Variants in NIBAN3 observed in about 807,000 individuals in gnomAD.
The protein encoded by NIBAN3 is protein Niban 3.
Under a neutral mutation model 76.4 loss-of-function variants are expected in NIBAN3, and 66 were observed. The ratio of observed to expected loss-of-function variants is 0.86; its 90% CI spans 0.71 to 1.06. NIBAN3 has a LOEUF of 1.06. NIBAN3 is among the 50% of genes least tolerant of loss of function. The pLI is 0.00. For synonymous variants in NIBAN3, 360 were observed against 355.2 expected (o/e 1.01, Z -0.15); for missense variants, 808 against 810.7 (o/e 1.00, Z 0.04).
At chr19:17,526,255 G>C (rs765963084), upstream of NIBAN3, among the ~76,000 whole-genome samples, 1 of 152,010 alleles carries the variant, frequency 6.6e-6, no homozygotes, top group Non-Finnish European at 1.5e-5. Flanking sequence ...GGAGGTTGCA[G>C]TGAGCCAAGA....
upstream of NIBAN3, chr19:17,527,134 G>T (rs749494047): frequency 7.5e-7 from 1 of 1,332,062 alleles, no homozygotes; most frequent in Non-Finnish European, 1.0e-6. Context: ...GGCTGTCCCC[G>T]CAGCCTCTAC....
chr19:17,528,080 T>TG (rs1555754494), intron 1 of NIBAN3, among the ~76,000 whole-genome samples: 2 of 151,816 alleles, frequency 1.3e-5, no homozygotes, highest in African/African-American at 2.4e-5. Context: ...ATGGTTTTTT[T>TG]TTTGTTTGTT....
chr19:17,525,993 G>A (rs183776392), upstream of NIBAN3, among the ~76,000 whole-genome samples: 161 of 152,104 alleles, frequency 1.1e-3, 7 homozygotes, highest in East Asian at 0.03. Flanking sequence ...GGCGAAGGTG[G>A]CAGTGAGCCA....
rs147395777 is a variant in NIBAN3, at chr19:17,548,879, T to C, written c.1667-565T>C. ...AGGCGGAGCTTGCAGTGAGCCGAGA[T>C]TGCACCACTGCACTCCAGCCTGGGC... On this transcript the variant is annotated intron_variant, in intron 13 of 14. Transcript: ENST00000599164. Among the ~76,000 whole-genome samples, 280 of 151,868 alleles carry C rather than the reference T, an allele frequency of 1.8e-3. 5 individuals are homozygous for C. The East Asian group carries it at 0.041, about 22-fold the overall frequency.
chr19:17,544,567 G>A (rs930074082), intron 12 of NIBAN3, among the ~76,000 whole-genome samples: 3 of 152,250 alleles, frequency 2.0e-5, no homozygotes, highest in South Asian at 2.1e-4. Context: ...GCCATGTCCC[G>A]GGAAGGGCAT....
intron 12 of NIBAN3, 137 bp from the exon 13 acceptor site, chr19:17,546,549 G>A (rs2076057918): frequency 1.6e-6 from 2 of 1,272,370 alleles, no homozygotes; most frequent in African/African-American, 1.6e-5. Context: ...TAAAAATAAA[G>A]ATAAGGAAAC....
rs1568446151 is a variant in NIBAN3 at position 17,533,654 on chromosome 19, A to T, written c.380A>T (p.Gln127Leu). The T allele has an allele frequency of 6.2e-7, 1 of 1,614,070 alleles. No individual in the cohort carries two copies. The highest frequency in any genetic ancestry group is 2.2e-5 in the East Asian group (1 of 44,878). Residue 127 changes from glutamine (Q) to leucine (L), a missense_variant, in exon 4 of 15, where the codon CAG (glutamine) becomes CTG (leucine). Physicochemically the swap from Gln to Leu is moderately radical, Grantham distance 113 (BLOSUM62 -2). Coordinates refer to ENST00000599164, the MANE Select transcript of NIBAN3 (RefSeq NM_001321827.2). The part of the protein sequence containing the change: ...ALTGYTLLTS[Q>L]REYLRLLDAL... Reference sequence around the variant, plus strand: ...ACAGGATACACGCTCCTGACTTCCCAGCGAGAATATCTCCGCCTTTTGGAT... The same window carrying T: ...ACAGGATACACGCTCCTGACTTCCCTGCGAGAATATCTCCGCCTTTTGGAT...
At chr19:17,532,414 T>C (rs1415439128) in intron 3 of NIBAN3, 26 bp downstream of exon 3, 2 of 1,614,134 alleles carry the variant, frequency 1.2e-6, no homozygotes, top group South Asian at 1.1e-5. Flanking sequence ...GTGGCCTTTC[T>C]ACTTCTGGGT....
rs1181851319 is a variant in NIBAN3 at position 17,540,380 on chromosome 19, T to G, written c.980-12T>G. 35 of 1,468,986 alleles carry G rather than the reference T, an allele frequency of 2.4e-5. No individual in the cohort carries two copies. The highest frequency in any genetic ancestry group is 3.0e-5 in the Non-Finnish European group (33 of 1,105,134). 91.0% of individuals were successfully genotyped at this position (1,468,986 alleles called of 1,614,324 possible). On this transcript the variant is annotated splice_polypyrimidine_tract_variant and intron_variant, in intron 8 of 14. Coordinates refer to ENST00000599164, the MANE Select transcript of NIBAN3 (RefSeq NM_001321827.2). ...GCGGAGGGGACTCCAGACCAGTGTC[T>G]TCCACTCCCAGCGGATATCAGGGGA...
At chr19:17,527,418 G>T in intron 1 of NIBAN3, 23 bp downstream of exon 1, 1 of 1,497,068 alleles carries the variant, frequency 6.7e-7, no homozygotes, top group South Asian at 1.3e-5. Context: ...GGAGGGGACA[G>T]GGTGGGAGTC....
At position 17,540,486 on chromosome 19, in the gene NIBAN3, C is replaced by G. The variant is rs759543943; in HGVS notation, c.1074C>G (p.Ala358=). ...AGACCCTGCTGCGCACCGTGGAAGC[C>G]TCGCTCGAGGCGGTGCGGACCCTCC... The part of the protein sequence containing the change: ...VVQTLLRTVE[A]SLEAVRTLLA... Residue 358 remains alanine (A), a synonymous_variant, in exon 9 of 15, where the codon GCC becomes GCG. Transcript: ENST00000599164. 17 of 1,600,182 alleles carry G rather than the reference C, an allele frequency of 1.1e-5. No homozygotes were observed. The East Asian group carries it at 3.9e-4, about 37-fold the overall frequency.
Position 17,542,264 on chromosome 19 carries a change from C to A in NIBAN3, c.1299C>A (p.Leu433=). 1 of 1,612,746 alleles carries A rather than the reference C, an allele frequency of 6.2e-7. No homozygotes were observed. Among genetic ancestry groups the A allele is most frequent in the South Asian group, 1.1e-5 (1 of 90,934 alleles). The part of the protein sequence containing the change: ...APFGFLGMQS[L]VFGAQDLAQQ... The stretch of plus-strand genomic sequence containing the variant: ...TTGGCTTTCTGGGGATGCAGAGCCT[C>A]GTGTTTGGGGCCCAAGATCTTGCAC... Residue 433 remains leucine (L), a synonymous_variant, in exon 10 of 15, where the codon CTC becomes CTA. Coordinates refer to ENST00000599164, the MANE Select transcript of NIBAN3 (RefSeq NM_001321827.2). This position sits in a 1 kb window ranked among gnomAD's most constrained non-coding sequence, Gnocchi z 4.8.
intron 7 of NIBAN3, 54 bp downstream of exon 7, chr19:17,539,505 C>G (rs2075897848): frequency 6.9e-7 from 1 of 1,457,050 alleles, no homozygotes; most frequent in Admixed American, 2.6e-5. Context: ...CGTTCGGGTT[C>G]CCCTCCCACG....
At chr19:17,533,734 C>CT in intron 4 of NIBAN3, 33 bp downstream of exon 4, 1 of 1,496,122 alleles carries the variant, frequency 6.7e-7, no homozygotes, top group Non-Finnish European at 9.3e-7. Context: ...GAACAGGTTT[C>CT]TCCACCCCAG....
chr19:17,550,516 A>G (rs1333787080), intron 14 of NIBAN3, among the ~76,000 whole-genome samples: 2 of 151,982 alleles, frequency 1.3e-5, no homozygotes, highest in East Asian at 3.9e-4. Context: ...AAATTTTAAA[A>G]ATTAGTTGGG....
At position 17,539,663 on chromosome 19, in the gene NIBAN3, C is replaced by T; in HGVS notation, c.877C>T (p.Gln293Ter). Residue 293 changes from glutamine (Q) to a stop codon, truncating the protein, a stop_gained, in exon 8 of 15, where the codon CAG (glutamine) becomes TAG (stop). Transcript: ENST00000599164. LOFTEE classifies it high-confidence loss of function. ...GGCCTCCGCCGGGCTCTGCGCCTTCCAGCCCGAAAAGGACGAGCTGCTTGC... is the reference window on the plus strand; with the variant it reads ...GGCCTCCGCCGGGCTCTGCGCCTTCTAGCCCGAAAAGGACGAGCTGCTTGC... ...AGASAGLCAF[Q>*]PEKDELLASL... 1 of 1,564,574 alleles carries T rather than the reference C, an allele frequency of 6.4e-7. No individual in the cohort carries two copies. The highest frequency in any genetic ancestry group is 8.7e-7 in the Non-Finnish European group (1 of 1,154,484).
At position 17,539,154 on chromosome 19, in the gene NIBAN3, G is replaced by A; in HGVS notation, c.600G>A (p.Leu200=). 1 of 1,586,846 alleles carries A rather than the reference G, an allele frequency of 6.3e-7. No individual in the cohort carries two copies. Among genetic ancestry groups the A allele is most frequent in the Non-Finnish European group, 8.6e-7 (1 of 1,167,478 alleles). ...CTGAGGAGCAGCCCCTCTCAGTCCT[G>A]CAGCGAAGCCAGGCCCCTGCTGCCC... ...QGGIRLQGIV[L]QRSQAPAARA... Residue 200 remains leucine (L), a synonymous_variant, in exon 6 of 15, where the codon CTG becomes CTA. Transcript: ENST00000599164.
At chr19:17,551,669 G>T in intron 14 of NIBAN3, 117 bp from the exon 15 acceptor site, 1 of 571,906 alleles carries the variant, frequency 1.7e-6, no homozygotes, top group Non-Finnish European at 3.2e-6. Flanking sequence ...GGGATTACAG[G>T]CATGAGCCAT....
Position 17,549,385 on chromosome 19 carries a change from G to T in NIBAN3, c.1667-59G>T. The T allele has an allele frequency of 2.5e-6, 3 of 1,201,110 alleles. No individual in the cohort carries two copies. The South Asian group carries it at 4.0e-5, about 16-fold the overall frequency. 74.4% of individuals were successfully genotyped at this position (1,201,110 alleles called of 1,614,324 possible). On this transcript the variant is annotated intron_variant, in intron 13 of 14. Transcript: ENST00000599164. Reference sequence around the variant, plus strand: ...TTTGTAGTCTCTCTGGGAAAATGCAGGGAAGCCCCTTGATGCCTGGGCTTC... The same window carrying T: ...TTTGTAGTCTCTCTGGGAAAATGCATGGAAGCCCCTTGATGCCTGGGCTTC...
Sources: gnomAD v4.1 joint callset for allele counts (sites outside exome capture counted in the v4.1 genomes callset) on GRCh38, gnomAD v4.1.1 for gene constraint, Gnocchi (gnomAD v3.1) non-coding constraint, MANE v1.5 for transcripts, NCBI Gene and HGNC (gene_info 2026-07-23, HGNC 2026-07-21) for gene names.